The following WDPCP variants were observed in gnomAD, a reference collection of about 807,000 sequenced individuals.
WDPCP encodes WD repeat-containing and planar cell polarity effector protein fritz homolog.
Under a neutral mutation model 93.1 loss-of-function variants are expected in WDPCP, and 71 were observed. The ratio of observed to expected loss-of-function variants is 0.76; its 90% CI spans 0.63 to 0.93. WDPCP has a LOEUF of 0.93. Among genes scored for constraint, WDPCP ranks in the 40% least tolerant of loss-of-function variants. The pLI is 0.00. For synonymous variants in WDPCP, 315 were observed against 315.0 expected (o/e 1.00, Z 0.00); for missense variants, 844 against 887.4 (o/e 0.95, Z 0.62).
At chr2:63,542,750 C>T (rs922503967) in intron 1 of WDPCP, among the ~76,000 whole-genome samples, 8 of 152,004 alleles carry the variant, frequency 5.3e-5, no homozygotes, top group Non-Finnish European at 1.0e-4. Context: ...AGCAATGGCC[C>T]AGCCACCTGG....
In WDPCP at chr2:63,537,053, C is replaced by G. The variant is rs1558774442; in HGVS notation, c.76-44113G>C. 3.9e-5 allele frequency among the ~76,000 whole-genome samples: 6 copies of G among 152,264 alleles called. No individual in the cohort carries two copies. The East Asian group carries it at 1.2e-3, about 29-fold the overall frequency. On this transcript the variant is annotated intron_variant, in intron 1 of 17. Transcript: ENST00000272321. ...ATAGTACTGGAATTAGGAGCCTGAG[C>G]TGTGGAGCCCAGCTCACCATTTCTA...
At chr2:63,812,448 A>G (rs554790108) in intron 2 of WDPCP, among the ~76,000 whole-genome samples, 1 of 152,206 alleles carries the variant, frequency 6.6e-6, no homozygotes, top group Non-Finnish European at 1.5e-5. Context: ...TTGCTGGGTC[A>G]TATGATGGTT....
chr2:63,721,730 CT>C (rs1443187922), intron 2 of WDPCP, among the ~76,000 whole-genome samples: 52 of 148,508 alleles, frequency 3.5e-4, no homozygotes, highest in African/African-American at 1.2e-3. Context: ...CCTCCTCCCC[CT>C]CTCCCTCTCC....
intron 1 of WDPCP, among the ~76,000 whole-genome samples, chr2:63,581,078 T>A (rs1708465488): frequency 6.6e-6 from 1 of 152,138 alleles, no homozygotes; most frequent in Admixed American, 6.5e-5. Flanking sequence ...CTAAAAAAAA[T>A]AGCTGAGCTT....
intron 2 of WDPCP, among the ~76,000 whole-genome samples, chr2:63,751,380 A>G (rs1203377146): frequency 1.3e-5 from 2 of 152,086 alleles, no homozygotes. Flanking sequence ...TCATGATCAG[A>G]CTATATTACA....
At chr2:63,249,072 G>GT (rs1332820297) in intron 14 of WDPCP, among the ~76,000 whole-genome samples, 1 of 151,988 alleles carries the variant, frequency 6.6e-6, no homozygotes, top group African/African-American at 2.4e-5. Flanking sequence ...AATAGGCCAT[G>GT]TTTTCCTGTT....
intron 1 of WDPCP, among the ~76,000 whole-genome samples, chr2:63,528,876 T>C (rs6546011): frequency 0.8 from 122,350 of 152,140 alleles, 49,880 homozygotes; most frequent in East Asian, 0.99. Context: ...TGTTTGTGTC[T>C]TCTTTTATTT....
rs891441812 is a variant in WDPCP, at chr2:63,336,928, T to A, written c.1749-23617A>T. On this transcript the variant is annotated intron_variant, in intron 12 of 17. Coordinates refer to ENST00000272321, the MANE Select transcript of WDPCP (RefSeq NM_015910.7). ...TTTTTTTTTTGAGACAGAGTCTCGC[T>A]CTGTCACCAGGTTGGAGTGCAGTGG... Among the ~76,000 whole-genome samples, 5 of 136,370 alleles carry A rather than the reference T, an allele frequency of 3.7e-5. No homozygotes were observed. In the East Asian group the frequency reaches 9.1e-4, roughly 25 times the overall value. 89.5% of individuals were successfully genotyped at this position (136,370 alleles called of 152,430 possible).
intron 13 of WDPCP, among the ~76,000 whole-genome samples, chr2:63,267,050 G>C (rs1682191479): frequency 6.6e-6 from 1 of 151,978 alleles, no homozygotes; most frequent in South Asian, 2.1e-4. Context: ...AAGGAACAAA[G>C]CTGGAGGCAA....
chr2:63,735,420 C>G (rs931670805), intron 2 of WDPCP, among the ~76,000 whole-genome samples: 1 of 152,098 alleles, frequency 6.6e-6, no homozygotes, highest in Non-Finnish European at 1.5e-5. Context: ...GAAGGAAGAA[C>G]AGGAAGCTCA....
chr2:63,630,719 CAGAA>C (rs1466377802), intron 3 of WDPCP, among the ~76,000 whole-genome samples: 5 of 152,292 alleles, frequency 3.3e-5, no homozygotes, highest in African/African-American at 1.2e-4. Flanking sequence ...ATCAATGAGA[CAGAA>C]AGATCTGTAA....
At chr2:63,823,171 A>T (rs1478095807) in intron 1 of WDPCP, among the ~76,000 whole-genome samples, 1 of 149,700 alleles carries the variant, frequency 6.7e-6, no homozygotes, top group Non-Finnish European at 1.5e-5. Context: ...AATTTAAAAA[A>T]TTTCATTTAG....
chr2:63,755,637 T>C (rs1669956733), intron 2 of WDPCP, among the ~76,000 whole-genome samples: 1 of 152,252 alleles, frequency 6.6e-6, no homozygotes, highest in Non-Finnish European at 1.5e-5. Flanking sequence ...TGTTCTTGTC[T>C]ATAGAATCTC....
chr2:63,696,355 G>C (rs1170488348), intron 2 of WDPCP, among the ~76,000 whole-genome samples: 2 of 152,148 alleles, frequency 1.3e-5, no homozygotes, highest in Non-Finnish European at 2.9e-5. Flanking sequence ...CAGCTTTGTT[G>C]TATAAAGTTG....
intron 13 of WDPCP, among the ~76,000 whole-genome samples, chr2:63,297,417 T>C (rs1195182141): frequency 6.6e-6 from 1 of 152,140 alleles, no homozygotes; most frequent in Non-Finnish European, 1.5e-5. Flanking sequence ...TATACTTAAG[T>C]TATTGCTGTC....
At chr2:63,174,586 A>G in intron 15 of WDPCP, 84 bp downstream of exon 15, 2 of 1,568,996 alleles carry the variant, frequency 1.3e-6, no homozygotes, top group Non-Finnish European at 1.8e-6. Context: ...ATTTTGAAAT[A>G]TTCTTGCTTT....
At position 63,381,995 on chromosome 2, in the gene WDPCP, T is replaced by C; in HGVS notation, c.1535A>G (p.Asn512Ser). 3 of 1,613,538 alleles carry C rather than the reference T, an allele frequency of 1.9e-6. No homozygotes were observed. The highest frequency in any genetic ancestry group is 1.1e-5 in the South Asian group (1 of 91,058). ...GCACTGGTGGCCCAGAGTGTCCCAG[T>C]TCATGCTGCTCAGGATGTTTATTGC... is the stretch of plus-strand genomic sequence containing the variant. Reference protein sequence around the residue: ...YEAINILSSMNWDTLGHQCFI... With the variant: ...YEAINILSSMSWDTLGHQCFI... The change falls in exon 11 of 18, where the codon AAC (asparagine) becomes AGC (serine). Residue 512 changes from asparagine (N) to serine (S), a missense_variant. By Grantham distance (46) the Asn-to-Ser change is conservative (BLOSUM62 1). Coordinates refer to ENST00000272321, the MANE Select transcript of WDPCP (RefSeq NM_015910.7).
intron 1 of WDPCP, among the ~76,000 whole-genome samples, chr2:63,533,581 G>T (rs1001378636): frequency 3.3e-5 from 5 of 152,142 alleles, no homozygotes; most frequent in South Asian, 4.1e-4. Flanking sequence ...CAACTACATG[G>T]AGACTGAACA....
chr2:63,778,078 G>T (rs1670331328), intron 2 of WDPCP, among the ~76,000 whole-genome samples: 1 of 152,126 alleles, frequency 6.6e-6, no homozygotes, highest in South Asian at 2.1e-4. Context: ...AACTCCACCT[G>T]ACCCATTCTG....
Sources: allele counts gnomAD v4.1 joint callset (sites outside exome capture counted in the v4.1 genomes callset), GRCh38; gene constraint gnomAD v4.1.1; transcripts MANE v1.5; gene names NCBI Gene and HGNC (gene_info 2026-07-23, HGNC 2026-07-21).